ZNF207: variants seen among roughly 807,000 people sequenced by gnomAD.
The protein encoded by ZNF207 is zinc finger protein 207, also known as BUB3-interacting and GLEBS motif-containing protein ZNF207.
Under a neutral mutation model 60.2 loss-of-function variants are expected in ZNF207, and 24 were observed. The ratio of observed to expected loss-of-function variants is 0.40; its 90% CI spans 0.29 to 0.56. The LOEUF (loss-of-function observed/expected upper bound fraction) is 0.56, where lower values mean the gene tolerates loss of function less well. Ranked by LOEUF, ZNF207 falls within the 20% of genes least tolerant of loss-of-function variation. The pLI is 0.49. For synonymous variants in ZNF207, 236 were observed against 194.7 expected (o/e 1.21, Z -1.77); for missense variants, 452 against 636.6 (o/e 0.71, Z 3.12).
Position 32,367,674 on chromosome 17 carries a change from C to T in ZNF207, c.922-98C>T, listed in dbSNP as rs1012118914. ...TATTAATTTCATTTAAAGTTTGGTC[C>T]TTTATTTAATGTTGATGCCTTGTTT... On this transcript the variant is annotated intron_variant, in intron 9 of 11. Transcript: ENST00000394670. The T allele has an allele frequency of 5.5e-6, 8 of 1,462,726 alleles. 1 individual carries two copies. The South Asian group carries it at 9.5e-5, about 17-fold the overall frequency. The allele number at this position is 1,462,726 out of a possible 1,614,324, so 90.6% of individuals were successfully genotyped here.
chr17:32,358,449 A>G, intron 2 of ZNF207, 54 bp from the exon 3 acceptor site: 2 of 1,492,250 alleles, frequency 1.3e-6, no homozygotes, highest in Non-Finnish European at 1.8e-6. Context: ...TCTTTGATTA[A>G]CTTGGAATTA....
rs1567808887 is a variant in ZNF207 at position 32,350,170 on chromosome 17, T to C, written c.-116T>C. Reference sequence around the variant, plus strand: ...GGGAACGAGGCCGTCGGCCATTTTGTGTCTGCTTCCTGTGGGACGTGGTGG... The same window carrying C: ...GGGAACGAGGCCGTCGGCCATTTTGCGTCTGCTTCCTGTGGGACGTGGTGG... On this transcript the variant is annotated 5_prime_UTR_variant, in exon 1 of 12. Transcript: ENST00000394670. 6.5e-7 allele frequency: 1 copy of C among 1,527,018 alleles called. No homozygotes were observed. The highest frequency in any genetic ancestry group is 1.4e-5 in the African/African-American group (1 of 72,898). 94.6% of individuals were successfully genotyped at this position (1,527,018 alleles called of 1,614,324 possible).
chr17:32,367,371 CTG>C (rs1414675462), intron 9 of ZNF207, among the ~76,000 whole-genome samples: 1 of 145,444 alleles, frequency 6.9e-6, no homozygotes, highest in Non-Finnish European at 1.5e-5. Flanking sequence ...AACTCATATT[CTG>C]TAGTTTTTTT....
chr17:32,362,950 A>G lies in ZNF207; in HGVS notation c.636A>G (p.Pro212=). 6.2e-7 allele frequency: 1 copy of G among 1,613,454 alleles called. No individual in the cohort carries two copies. Among genetic ancestry groups the G allele is most frequent in the Non-Finnish European group, 8.5e-7 (1 of 1,180,000 alleles). The change falls in exon 7 of 12, where the codon CCA becomes CCG. Residue 212 remains proline (P), a synonymous_variant. Transcript: ENST00000394670. ...MPMGGMMPPG[P]GIPPLMPGMP... is the part of the protein sequence containing the mutation. ...TGGGTGGAATGATGCCACCTGGACC[A>G]GGAATACCACCTCTGATGCCTGGAA... is the stretch of plus-strand genomic sequence containing the variant.
At position 32,375,818 on chromosome 17, in the gene ZNF207, T is replaced by C. The variant is rs1597802022; in HGVS notation, c.*6059T>C. ...TGTTTGCTCTTCATTGTAACTTTTA[T>C]GTAAAAGTCCTTTAAAAGGGGATTC... is the stretch of plus-strand genomic sequence containing the variant. On this transcript the variant is annotated 3_prime_UTR_variant, in exon 12 of 12. Transcript: ENST00000394670. 6.6e-6 allele frequency: 1 copy of C among 152,116 alleles called. No homozygotes were observed. The highest frequency in any genetic ancestry group is 1.5e-5 in the Non-Finnish European group (1 of 67,952). 9.4% of individuals were successfully genotyped at this position (152,116 alleles called of 1,614,324 possible).
intron 2 of ZNF207, among the ~76,000 whole-genome samples, 190 bp downstream of exon 2, chr17:32,352,102 G>A (rs1232839306): frequency 1.3e-5 from 2 of 152,074 alleles, no homozygotes; most frequent in African/African-American, 4.8e-5. Context: ...GGAGTAGTTG[G>A]GACTACAGGC....
chr17:32,350,458 T>A, intron 1 of ZNF207, 132 bp downstream of exon 1: 1 of 1,224,374 alleles, frequency 8.2e-7, no homozygotes, highest in Non-Finnish European at 1.2e-6. Flanking sequence ...GCCTGGTGGC[T>A]GGGATTGGAC....
Position 32,369,791 on chromosome 17 carries a change from A to T in ZNF207, c.*32A>T. 7.0e-7 allele frequency: 1 copy of T among 1,426,436 alleles called. No homozygotes were observed. Among genetic ancestry groups the T allele is most frequent in the Non-Finnish European group, 9.2e-7 (1 of 1,084,934 alleles). The allele number at this position is 1,426,436 out of a possible 1,614,324, so 88.4% of individuals were successfully genotyped here. On this transcript the variant is annotated 3_prime_UTR_variant, in exon 12 of 12. Coordinates refer to ENST00000394670, the MANE Select transcript of ZNF207 (RefSeq NM_001098507.2). ...TTCATCCAGTCTAATAGGTTTGGAG[A>T]TTAAACCTTTTCTCAACTTGTGCTG...
intron 2 of ZNF207, among the ~76,000 whole-genome samples, chr17:32,356,501 C>T (rs919456601): frequency 1.3e-4 from 20 of 152,172 alleles, no homozygotes; most frequent in Admixed American, 6.5e-5. Context: ...GTTTGATTTG[C>T]ATGCCCCAGT....
At chr17:32,360,323 C>G (rs1904794768) in intron 3 of ZNF207, among the ~76,000 whole-genome samples, 1 of 151,928 alleles carries the variant, frequency 6.6e-6, no homozygotes, top group Admixed American at 6.6e-5. Flanking sequence ...GCTGTACAGC[C>G]TGCATCGCAG....
At chr17:32,368,205 G>A in intron 10 of ZNF207, 191 bp downstream of exon 10, 1 of 769,654 alleles carries the variant, frequency 1.3e-6, no homozygotes, top group Non-Finnish European at 2.0e-6. Context: ...TGCATGTTTT[G>A]GTCTTAGATG....
At chr17:32,368,246 A>G (rs1905290218) in intron 10 of ZNF207, 1 of 558,874 alleles carries the variant, frequency 1.8e-6, no homozygotes, top group Non-Finnish European at 3.1e-6. Context: ...GACTGTTTCT[A>G]AAAGAAGACA....
chr17:32,352,774 C>T (rs760970431), intron 2 of ZNF207, among the ~76,000 whole-genome samples: 2 of 152,228 alleles, frequency 1.3e-5, no homozygotes, highest in African/African-American at 2.4e-5. Flanking sequence ...TGGCTCACTG[C>T]AGCCTCATAT....
intron 2 of ZNF207, among the ~76,000 whole-genome samples, chr17:32,357,336 A>ATTTTTTTT (rs1419043137): frequency 1.1e-5 from 1 of 87,906 alleles, no homozygotes; most frequent in African/African-American, 5.0e-5. Flanking sequence ...TATTATTATT[A>ATTTTTTTT]TTATTATTAT....
At chr17:32,354,645 C>T (rs1047662585) in intron 2 of ZNF207, among the ~76,000 whole-genome samples, 2 of 150,314 alleles carry the variant, frequency 1.3e-5, no homozygotes, top group African/African-American at 4.9e-5. Context: ...GAGACGGAGT[C>T]TCTTTCGTCC....
chr17:32,355,761 G>C (rs1567814212), intron 2 of ZNF207, among the ~76,000 whole-genome samples: 1 of 152,214 alleles, frequency 6.6e-6, no homozygotes, highest in Non-Finnish European at 1.5e-5. Flanking sequence ...GGAAAACCAA[G>C]AGTAGTGCCC....
At chr17:32,351,976 CTT>C in intron 2 of ZNF207, 64 bp downstream of exon 2, 1 of 1,447,808 alleles carries the variant, frequency 6.9e-7, no homozygotes, top group Non-Finnish European at 9.2e-7. Flanking sequence ...AAAGAATAAT[CTT>C]TTTTATTTTT....
At chr17:32,360,340 A>G (rs1056544477) in intron 3 of ZNF207, among the ~76,000 whole-genome samples, 1 of 152,122 alleles carries the variant, frequency 6.6e-6, no homozygotes, top group African/African-American at 2.4e-5. Context: ...GCAGAGCAAG[A>G]CTTTACTAAA....
chr17:32,350,186 G>C lies in ZNF207; in HGVS notation c.-100G>C. ...GCCATTTTGTGTCTGCTTCCTGTGG[G>C]ACGTGGTGGTAGCCGTTGGGTTGGG... On this transcript the variant is annotated 5_prime_UTR_variant, in exon 1 of 12. Coordinates refer to ENST00000394670, the MANE Select transcript of ZNF207 (RefSeq NM_001098507.2). 6.4e-7 allele frequency: 1 copy of C among 1,558,538 alleles called. No individual in the cohort carries two copies. Among genetic ancestry groups the C allele is most frequent in the Non-Finnish European group, 8.8e-7 (1 of 1,131,150 alleles).
Sources: allele counts gnomAD v4.1 joint callset (sites outside exome capture counted in the v4.1 genomes callset), GRCh38; gene constraint gnomAD v4.1.1; transcripts MANE v1.5; gene names NCBI Gene and HGNC (gene_info 2026-07-23, HGNC 2026-07-21).